The following FGF1 variants were observed in gnomAD, a reference collection of about 807,000 sequenced individuals.
FGF1 encodes the protein beta-endothelial cell growth factor.
Under a neutral mutation model 13.4 loss-of-function variants are expected in FGF1, and 9 were observed. That is an observed-to-expected ratio of 0.67 (90% confidence interval 0.40 to 1.17). The LOEUF (loss-of-function observed/expected upper bound fraction) is 1.17, where lower values mean the gene tolerates loss of function less well. Ranked by LOEUF, FGF1 falls within the 50% of genes most tolerant of loss-of-function variation. The pLI, the probability that FGF1 is intolerant of heterozygous loss-of-function variation, is 0.01. For synonymous variants in FGF1, 93 were observed against 79.0 expected, an observed-to-expected ratio of 1.18 and a Z score of -0.94; for missense variants, 156 against 192.7, an observed-to-expected ratio of 0.81 and a Z score of 1.13.
chr5:142,684,962 G>C (rs143022276), intron 1 of FGF1, among the ~76,000 whole-genome samples: 6 of 151,202 alleles, frequency 4.0e-5, no homozygotes, highest in African/African-American at 1.5e-4. Context: ...GGGGTGGTGG[G>C]TGGATGTAAC....
intron 1 of FGF1, among the ~76,000 whole-genome samples, chr5:142,648,167 T>C (rs1477921784): frequency 6.6e-6 from 1 of 152,188 alleles, no homozygotes; most frequent in African/African-American, 2.4e-5. Flanking sequence ...TCTCAGCTTG[T>C]ACTGTGTTCA....
intron 1 of FGF1, among the ~76,000 whole-genome samples, chr5:142,621,699 C>A (rs966325207): frequency 3.3e-5 from 5 of 152,092 alleles, no homozygotes; most frequent in Admixed American, 6.6e-5. Context: ...AAAACAAAAG[C>A]CTTGCTGTGG....
upstream of FGF1, among the ~76,000 whole-genome samples, chr5:142,687,512 C>T (rs1751452041): frequency 6.6e-6 from 1 of 152,198 alleles, no homozygotes; most frequent in African/African-American, 2.4e-5. Context: ...TCATGAACTA[C>T]CACTTCTACA....
At position 142,684,707 on chromosome 5, in the gene FGF1, T is replaced by C. The variant is rs1179303550; in HGVS notation, c.-35+1250A>G. Among the ~76,000 whole-genome samples, 4 of 152,238 alleles carry C rather than the reference T, an allele frequency of 2.6e-5. No individual in the cohort carries two copies. The South Asian group carries it at 6.2e-4, about 24-fold the overall frequency. On this transcript the variant is annotated intron_variant, in intron 1 of 3. Transcript: ENST00000337706. Reference sequence around the variant, plus strand: ...CTGACAAACAGCTCCAGTAAACTGCTGGCCACCCTTCACTAGACATCACTT... The same window carrying C: ...CTGACAAACAGCTCCAGTAAACTGCCGGCCACCCTTCACTAGACATCACTT...
At chr5:142,658,378 C>T (rs1768549926) in intron 1 of FGF1, among the ~76,000 whole-genome samples, 1 of 152,246 alleles carries the variant, frequency 6.6e-6, no homozygotes, top group Non-Finnish European at 1.5e-5. Flanking sequence ...CAGATCTGTT[C>T]ATGCCTTGCC....
chr5:142,651,456 G>A (rs1767228814), intron 1 of FGF1, among the ~76,000 whole-genome samples: 1 of 152,154 alleles, frequency 6.6e-6, no homozygotes, highest in African/African-American at 2.4e-5. Flanking sequence ...CAACCACACT[G>A]GTCCATTTGT....
At chr5:142,666,289 C>A (rs180948500) in intron 1 of FGF1, among the ~76,000 whole-genome samples, 1 of 150,146 alleles carries the variant, frequency 6.7e-6, no homozygotes, top group African/African-American at 2.5e-5. Flanking sequence ...TACACACACA[C>A]ACACACACAC....
chr5:142,629,895 ATTT>A (rs35168859), intron 1 of FGF1, among the ~76,000 whole-genome samples: 16 of 127,846 alleles, frequency 1.3e-4, no homozygotes, highest in African/African-American at 3.6e-4. Context: ...ATATATATAT[ATTT>A]TTTTTTTTTC....
At chr5:142,663,553 C>T (rs1478450865) in intron 1 of FGF1, among the ~76,000 whole-genome samples, 1 of 152,032 alleles carries the variant, frequency 6.6e-6, no homozygotes, top group Non-Finnish European at 1.5e-5. Context: ...GCCAAGAGGT[C>T]GAGACAGAAG....
intron 3 of FGF1, among the ~76,000 whole-genome samples, chr5:142,597,461 G>A (rs913382456): frequency 1.3e-5 from 2 of 152,078 alleles, no homozygotes; most frequent in African/African-American, 2.4e-5. Flanking sequence ...ATTAAAGAGT[G>A]CAGTTACTTG....
chr5:142,673,889 AC>A (rs371656523), intron 1 of FGF1, among the ~76,000 whole-genome samples: 21 of 152,164 alleles, frequency 1.4e-4, no homozygotes, highest in Non-Finnish European at 3.1e-4. Flanking sequence ...AAAGCCCCAA[AC>A]TTTTTGCATG....
intron 2 of FGF1, among the ~76,000 whole-genome samples, chr5:142,613,484 A>G (rs1207025510): frequency 6.6e-6 from 1 of 152,276 alleles, no homozygotes; most frequent in Non-Finnish European, 1.5e-5. Context: ...GTGTAAGACT[A>G]CGATTATGAA....
intron 2 of FGF1, among the ~76,000 whole-genome samples, chr5:142,696,564 G>A (rs761312535): frequency 1.3e-4 from 20 of 152,174 alleles, no homozygotes; most frequent in Non-Finnish European, 2.2e-4. Context: ...CAGCTGGGAG[G>A]TGCTGCAGCC....
rs189983767 is a variant in FGF1, at chr5:142,683,583, T to C, written c.-35+2374A>G. Reference sequence around the variant, plus strand: ...GGCTCACACCTGTAATCCTAGCACTTTGGGAGGCCGGTTGGATCACCTGAC... The same window carrying C: ...GGCTCACACCTGTAATCCTAGCACTCTGGGAGGCCGGTTGGATCACCTGAC... On this transcript the variant is annotated intron_variant, in intron 1 of 3. Coordinates refer to ENST00000337706, the MANE Select transcript of FGF1 (RefSeq NM_000800.5). 1.0e-3 allele frequency among the ~76,000 whole-genome samples: 155 copies of C among 152,056 alleles called. 1 individual carries two copies. Among genetic ancestry groups the C allele is most frequent in the South Asian group, 7.9e-3 (38 of 4,814 alleles).
chr5:142,682,789 C>T (rs1342282180), intron 1 of FGF1, among the ~76,000 whole-genome samples: 2 of 152,206 alleles, frequency 1.3e-5, no homozygotes, highest in African/African-American at 4.8e-5. Context: ...TGGGTTTAAA[C>T]CATGGTGTAT....
intron 2 of FGF1, among the ~76,000 whole-genome samples, chr5:142,696,895 A>G (rs1002396094): frequency 2.0e-5 from 3 of 152,214 alleles, no homozygotes; most frequent in African/African-American, 7.2e-5. Context: ...TACATCCAGG[A>G]TAACAGTTTG....
chr5:142,634,628 T>C (rs1763945610), intron 1 of FGF1, among the ~76,000 whole-genome samples: 1 of 152,188 alleles, frequency 6.6e-6, no homozygotes, highest in African/African-American at 2.4e-5. Flanking sequence ...AATTTGATAA[T>C]AACGTGTAGA....
intron 1 of FGF1, among the ~76,000 whole-genome samples, chr5:142,649,890 G>A (rs189465695): frequency 6.7e-4 from 102 of 152,226 alleles, no homozygotes; most frequent in African/African-American, 2.4e-3. Context: ...CCACAGATTG[G>A]TGTTTGCCAA....
intron 1 of FGF1, among the ~76,000 whole-genome samples, chr5:142,666,291 C>T (rs932106310): frequency 5.3e-5 from 8 of 150,874 alleles, no homozygotes; most frequent in South Asian, 4.2e-4. Flanking sequence ...CACACACACA[C>T]ACACACACAC....
Sources: allele counts gnomAD v4.1 joint callset (sites outside exome capture counted in the v4.1 genomes callset), GRCh38; gene constraint gnomAD v4.1.1; transcripts MANE v1.5; gene names NCBI Gene and HGNC (gene_info 2026-07-23, HGNC 2026-07-21).